The following ANXA8 variants were observed in gnomAD, a reference collection of about 807,000 sequenced individuals.
ANXA8 encodes VAC-beta.
A neutral mutation model predicts 26.8 loss-of-function variants in ANXA8; 9 were observed. The ratio of observed to expected loss-of-function variants is 0.34; its 90% CI spans 0.20 to 0.59. The LOEUF (loss-of-function observed/expected upper bound fraction) is 0.59. Among genes scored for constraint, ANXA8 ranks in the 20% least tolerant of loss-of-function variants. The pLI, the probability that ANXA8 is intolerant of heterozygous loss-of-function variation, is 0.84. For missense variants in ANXA8, 83 were observed against 238.5 expected (o/e 0.35, Z 4.29); for synonymous variants, 39 against 94.8 (o/e 0.41, Z 3.42).
the ANXA8 span, among the ~76,000 whole-genome samples, chr10:47,686,520 C>G: frequency 6.6e-6 from 1 of 152,006 alleles, no homozygotes; most frequent in East Asian, 1.9e-4. Flanking sequence ...CCTCCTGTCA[C>G]TTTTTATAAT....
chr10:47,664,460 C>A, the ANXA8 span, among the ~76,000 whole-genome samples: 1 of 150,214 alleles, frequency 6.7e-6, no homozygotes, highest in South Asian at 2.1e-4. Flanking sequence ...CCCAACTACT[C>A]GGGAGGCTGA....
upstream of ANXA8, among the ~76,000 whole-genome samples, chr10:47,485,847 G>A (rs1243579105): frequency 1.3e-5 from 2 of 151,886 alleles, no homozygotes; most frequent in African/African-American, 4.8e-5. Flanking sequence ...GGTGGCTCAC[G>A]CCTGTAATCC....
chr10:47,554,107 CAAAA>C, the ANXA8 span, among the ~76,000 whole-genome samples: 8 of 47,110 alleles, frequency 1.7e-4, no homozygotes, highest in African/African-American at 9.2e-4. Flanking sequence ...CTACATCTCT[CAAAA>C]AATAAATAAA....
chr10:47,975,085 T>G, the ANXA8 span, among the ~76,000 whole-genome samples: 5 of 146,654 alleles, frequency 3.4e-5, no homozygotes, highest in African/African-American at 7.4e-5. Context: ...TTGAGAGTTG[T>G]TTTTTTTTTC....
chr10:47,932,664 C>A, the ANXA8 span, among the ~76,000 whole-genome samples: 1 of 114,264 alleles, frequency 8.8e-6, no homozygotes, highest in African/African-American at 4.0e-5. Flanking sequence ...CGGGATTAGG[C>A]CCTTACCAGA....
the ANXA8 span, among the ~76,000 whole-genome samples, chr10:47,580,506 C>G: frequency 6.6e-6 from 1 of 151,052 alleles, no homozygotes; most frequent in African/African-American, 2.5e-5. Flanking sequence ...GAGGCTGAGA[C>G]AGGCGGATCA....
chr10:47,968,474 C>CA, the ANXA8 span, among the ~76,000 whole-genome samples: 7 of 141,396 alleles, frequency 5.0e-5, no homozygotes, highest in East Asian at 1.4e-3. Flanking sequence ...CCATTACAGC[C>CA]ATCCCCACTG....
At chr10:47,698,126 T>G in the ANXA8 span, among the ~76,000 whole-genome samples, 1 of 151,218 alleles carries the variant, frequency 6.6e-6, no homozygotes, top group African/African-American at 2.4e-5. Context: ...TTTAAGTAAC[T>G]AGGTAGCCTT....
At chr10:47,671,260 A>G in the ANXA8 span, among the ~76,000 whole-genome samples, 1 of 151,650 alleles carries the variant, frequency 6.6e-6, no homozygotes, top group South Asian at 2.1e-4. Flanking sequence ...CCATCTCTAC[A>G]AAAAATGAAA....
the ANXA8 span, among the ~76,000 whole-genome samples, chr10:47,683,044 T>C: frequency 6.6e-6 from 1 of 152,172 alleles, no homozygotes; most frequent in Non-Finnish European, 1.5e-5. Flanking sequence ...AAGTCAGTTG[T>C]CTGCTCACAG....
At chr10:47,719,307 C>A in the ANXA8 span, among the ~76,000 whole-genome samples, 1 of 145,010 alleles carries the variant, frequency 6.9e-6, no homozygotes, top group Non-Finnish European at 1.5e-5. Context: ...CTACAGGCGC[C>A]AGCCACCGCG....
chr10:47,581,949 T>A, the ANXA8 span, among the ~76,000 whole-genome samples: 1 of 149,936 alleles, frequency 6.7e-6, no homozygotes, highest in East Asian at 1.9e-4. Flanking sequence ...GCTAACCAAG[T>A]GAATCTTCAG....
At chr10:47,485,408 A>C (rs2132444910), upstream of ANXA8, among the ~76,000 whole-genome samples, 1 of 151,894 alleles carries the variant, frequency 6.6e-6, no homozygotes, top group African/African-American at 2.4e-5. Context: ...GGTCAGGAGA[A>C]TTTGAAAGTC....
the ANXA8 span, among the ~76,000 whole-genome samples, chr10:47,733,217 CTTT>C: frequency 1.5e-4 from 11 of 71,418 alleles, no homozygotes; most frequent in African/African-American, 4.7e-4. Context: ...TTCTTTCTTT[CTTT>C]CTCTTTCTTT....
At chr10:47,488,712 A>ATT (rs1840088979), upstream of ANXA8, among the ~76,000 whole-genome samples, 57 of 95,940 alleles carry the variant, frequency 5.9e-4, 1 homozygote, top group East Asian at 3.2e-3. Flanking sequence ...TTACATGTTA[A>ATT]ATTTTTTTTT....
At chr10:47,499,883 C>CGGCA in the ANXA8 span, among the ~76,000 whole-genome samples, 1 of 145,620 alleles carries the variant, frequency 6.9e-6, no homozygotes, top group Non-Finnish European at 1.5e-5. Context: ...CTGCCTCAGC[C>CGGCA]TGCCATGCCA....
the ANXA8 span, among the ~76,000 whole-genome samples, chr10:47,489,981 G>A: frequency 6.6e-6 from 1 of 150,582 alleles, no homozygotes; most frequent in Non-Finnish European, 1.5e-5. Context: ...GCCCCATGAG[G>A]GCATGGGTCC....
chr10:47,628,387 C>T, the ANXA8 span, among the ~76,000 whole-genome samples: 1 of 151,518 alleles, frequency 6.6e-6, no homozygotes, highest in African/African-American at 2.4e-5. Context: ...TCAAGATAAA[C>T]ATTTTTATAA....
chr10:47,696,304 G>A, the ANXA8 span: 2 of 424,198 alleles, frequency 4.7e-6, no homozygotes, highest in Non-Finnish European at 8.4e-6. Context: ...TAGTTGCTTG[G>A]TATATGGGAG....
Sources: gnomAD v4.1 joint callset for allele counts (sites outside exome capture counted in the v4.1 genomes callset) on GRCh38, gnomAD v4.1.1 for gene constraint, MANE v1.5 for transcripts, NCBI Gene and HGNC (gene_info 2026-07-23, HGNC 2026-07-21) for gene names.